RAB6B: variants seen among roughly 807,000 people sequenced by gnomAD.
The protein encoded by RAB6B is RAB6B, member RAS oncogene family.
In RAB6B, 7 loss-of-function variants were observed where a neutral mutation model predicts 31.2. The ratio of observed to expected loss-of-function variants is 0.22; its 90% confidence interval spans 0.13 to 0.42. The LOEUF (loss-of-function observed/expected upper bound fraction) is 0.42. RAB6B is among the 10% of genes least tolerant of loss of function. RAB6B has a pLI of 1.00. For synonymous variants in RAB6B, 105 were observed against 104.9 expected (o/e 1.00, Z -0.01); for missense variants, 149 against 280.6 (o/e 0.53, Z 3.35).
intron 1 of RAB6B, among the ~76,000 whole-genome samples, chr3:133,893,693 G>A (rs1217972545): frequency 6.6e-6 from 1 of 152,168 alleles, no homozygotes; most frequent in Non-Finnish European, 1.5e-5. Context: ...CCATTTTTCA[G>A]AGACAGAAAG....
At position 133,895,662 on chromosome 3, in the gene RAB6B, GGAGA is replaced by G. The variant is rs1936701345; in HGVS notation, c.-200_-197del. 1 of 600,732 alleles carries G rather than the reference GGAGA, an allele frequency of 1.7e-6. No homozygotes were observed. The highest frequency in any genetic ancestry group is 2.9e-6 in the Non-Finnish European group (1 of 343,106). 37.2% of individuals were successfully genotyped at this position (600,732 alleles called of 1,614,324 possible). On this transcript the variant is annotated 5_prime_UTR_variant, in exon 1 of 8. Coordinates refer to ENST00000285208, the MANE Select transcript of RAB6B (RefSeq NM_016577.4). Reference sequence around the variant, plus strand: ...CGTGTCCGGCGGCGGAGGAGGAGGAGGAGAGAGAGGCGGAGGCGGAGGAAGGCTG... The same window carrying G: ...CGTGTCCGGCGGCGGAGGAGGAGGAGGAGAGGCGGAGGCGGAGGAAGGCTG...
intron 1 of RAB6B, among the ~76,000 whole-genome samples, chr3:133,867,793 C>A (rs1026777703): frequency 2.0e-5 from 3 of 151,964 alleles, no homozygotes; most frequent in African/African-American, 7.3e-5. Context: ...CATCTGGGGC[C>A]CAGCACCCCA....
chr3:133,871,664 C>CGGGTGT (rs1936325310), intron 1 of RAB6B, among the ~76,000 whole-genome samples: 1 of 152,196 alleles, frequency 6.6e-6, no homozygotes, highest in African/African-American at 2.4e-5. Flanking sequence ...GCCTCCACAG[C>CGGGTGT]GGGTGTGGGT....
At chr3:133,880,477 G>A (rs1018425110) in intron 1 of RAB6B, among the ~76,000 whole-genome samples, 1 of 152,238 alleles carries the variant, frequency 6.6e-6, no homozygotes, top group Non-Finnish European at 1.5e-5. Context: ...GCTTGCTCAG[G>A]CAAGTGGAAG....
At chr3:133,890,602 A>G (rs967768072) in intron 1 of RAB6B, among the ~76,000 whole-genome samples, 6 of 152,186 alleles carry the variant, frequency 3.9e-5, no homozygotes, top group Non-Finnish European at 8.8e-5. Flanking sequence ...AAAAAGCAGC[A>G]GGTGTCAGGA....
chr3:133,841,970 A>G (rs1406156384), intron 2 of RAB6B, among the ~76,000 whole-genome samples: 2 of 152,058 alleles, frequency 1.3e-5, no homozygotes, highest in Non-Finnish European at 2.9e-5. Flanking sequence ...CACTCAGGCC[A>G]CTCAACGCAC....
intron 1 of RAB6B, chr3:133,885,513 G>C: frequency 1.4e-6 from 1 of 702,802 alleles, no homozygotes; most frequent in Non-Finnish European, 2.6e-6. Context: ...CCAATGACCA[G>C]AGGATAGGGG....
chr3:133,832,712 C>G (rs1033775301), intron 7 of RAB6B, among the ~76,000 whole-genome samples: 3 of 152,148 alleles, frequency 2.0e-5, no homozygotes, highest in Admixed American at 6.5e-5. Flanking sequence ...CAAGCTGGCT[C>G]CTGGGCAGAA....
chr3:133,835,741 G>T (rs1935725467), intron 6 of RAB6B, among the ~76,000 whole-genome samples: 1 of 152,104 alleles, frequency 6.6e-6, no homozygotes, highest in African/African-American at 2.4e-5. Flanking sequence ...GAGTCCTCAT[G>T]AACGGGATGA....
At chr3:133,829,520 C>T (rs1935625375) in intron 7 of RAB6B, among the ~76,000 whole-genome samples, 2 of 152,180 alleles carry the variant, frequency 1.3e-5, no homozygotes, top group African/African-American at 4.8e-5. Flanking sequence ...AAAACCAACA[C>T]TGTGAGATTT....
At chr3:133,833,621 A>G (rs1935688696) in intron 7 of RAB6B, among the ~76,000 whole-genome samples, 1 of 152,036 alleles carries the variant, frequency 6.6e-6, no homozygotes, top group South Asian at 2.1e-4. Flanking sequence ...TTTGCTTTTG[A>G]TTCTCATCAG....
chr3:133,841,160 TCGCACACACATGCGTG>T, intron 4 of RAB6B, 109 bp downstream of exon 4: 4 of 818,652 alleles, frequency 4.9e-6, no homozygotes, highest in Non-Finnish European at 7.8e-6. Context: ...CAGGGAGCAA[TCGCACACACATGCGTG>T]TGCACACACA....
At chr3:133,854,022 A>G (rs1936039062) in intron 2 of RAB6B, among the ~76,000 whole-genome samples, 1 of 152,234 alleles carries the variant, frequency 6.6e-6, no homozygotes, top group Admixed American at 6.5e-5. Context: ...GGGAAAGGCT[A>G]CATATTCTAG....
In RAB6B at chr3:133,826,124, C is replaced by T. The variant is rs560994837; in HGVS notation, c.*2664G>A. 2.0e-5 allele frequency: 3 copies of T among 152,306 alleles called. No homozygotes were observed. Among genetic ancestry groups the T allele is most frequent in the South Asian group, 4.1e-4 (2 of 4,824 alleles). The allele number at this position is 152,306 out of a possible 1,614,324, so 9.4% of individuals were successfully genotyped here. On this transcript the variant is annotated 3_prime_UTR_variant, in exon 8 of 8. Transcript: ENST00000285208. ...ACCCCAGGAAGGGAGGGGCGGAAAC[C>T]GCACGTGCCGAAGGGAGCGCCATGG...
At chr3:133,841,799 T>C in intron 2 of RAB6B, 136 bp from the exon 3 acceptor site, 1 of 710,670 alleles carries the variant, frequency 1.4e-6, no homozygotes, top group Non-Finnish European at 2.4e-6. Context: ...TGCTCTGTCC[T>C]CCCTGCCCCT....
chr3:133,889,669 C>T (rs927693911), intron 1 of RAB6B, among the ~76,000 whole-genome samples: 6 of 151,900 alleles, frequency 3.9e-5, no homozygotes, highest in Non-Finnish European at 5.9e-5. Flanking sequence ...CTCCTGACCT[C>T]AAGTGATCTA....
chr3:133,887,658 G>C (rs1360902204), intron 1 of RAB6B, among the ~76,000 whole-genome samples: 1 of 152,170 alleles, frequency 6.6e-6, no homozygotes, highest in East Asian at 1.9e-4. Context: ...GCCAGAGATG[G>C]GCTGGGGCTT....
chr3:133,871,573 T>G, intron 1 of RAB6B, among the ~76,000 whole-genome samples: 1 of 152,234 alleles, frequency 6.6e-6, no homozygotes, highest in East Asian at 1.9e-4. Flanking sequence ...CATCACAGTC[T>G]GAAAGCTGAG....
intron 1 of RAB6B, among the ~76,000 whole-genome samples, chr3:133,889,391 T>C (rs1042686635): frequency 0.021 from 727 of 33,824 alleles, 16 homozygotes; most frequent in Non-Finnish European, 0.034. Flanking sequence ...TATTTTGTTA[T>C]ATATATATAT....
Sources: allele counts gnomAD v4.1 joint callset (sites outside exome capture counted in the v4.1 genomes callset), GRCh38; gene constraint gnomAD v4.1.1; transcripts MANE v1.5; gene names NCBI Gene and HGNC (gene_info 2026-07-23, HGNC 2026-07-21).